MBD2: variants seen among roughly 807,000 people sequenced by gnomAD.
The protein encoded by MBD2 is methyl-CpG binding domain protein 2.
MBD2 carries 9 observed loss-of-function variants against 39.3 expected under a neutral mutation model. The observed-to-expected ratio is 0.23, with a 90% CI of 0.14 to 0.40. The LOEUF (loss-of-function observed/expected upper bound fraction) is 0.40. Among genes scored for constraint, MBD2 ranks in the 10% least tolerant of loss-of-function variants. The probability of loss-of-function intolerance (pLI) is 1.00; values close to 1 mark genes in which losing one functional copy is unlikely to be tolerated. For missense variants in MBD2, 458 were observed against 532.6 expected (o/e 0.86, Z 1.38); for synonymous variants, 233 against 211.1 (o/e 1.10, Z -0.90).
At chr18:54,205,441 A>C (rs1486330783) in intron 1 of MBD2, among the ~76,000 whole-genome samples, 1 of 152,000 alleles carries the variant, frequency 6.6e-6, no homozygotes, top group Non-Finnish European at 1.5e-5. Flanking sequence ...AATACAAAAA[A>C]TTAGCCGGGC....
intron 1 of MBD2, among the ~76,000 whole-genome samples, chr18:54,207,841 T>C (rs1284404904): frequency 6.6e-6 from 1 of 151,148 alleles, no homozygotes; most frequent in Admixed American, 6.6e-5. Flanking sequence ...ATCGAGACCA[T>C]CCTGGCTAAC....
intron 1 of MBD2, among the ~76,000 whole-genome samples, chr18:54,223,140 A>T (rs544816573): frequency 6.6e-6 from 1 of 152,236 alleles, no homozygotes; most frequent in Non-Finnish European, 1.5e-5. Context: ...TATTAAGTCC[A>T]CGGATGTCAA....
intron 6 of MBD2, among the ~76,000 whole-genome samples, chr18:54,159,517 G>A (rs898096808): frequency 5.9e-5 from 9 of 151,630 alleles, no homozygotes; most frequent in African/African-American, 9.7e-5. Flanking sequence ...TCCCAGGCTC[G>A]AGTGATCCTC....
chr18:54,165,572 C>T (rs1272776614), intron 4 of MBD2, among the ~76,000 whole-genome samples: 3 of 152,170 alleles, frequency 2.0e-5, no homozygotes, highest in Non-Finnish European at 4.4e-5. Context: ...CTGAGTTTTC[C>T]ACCCCAGATC....
At chr18:54,169,619 T>C (rs112889082) in intron 3 of MBD2, among the ~76,000 whole-genome samples, 5,878 of 152,196 alleles carry the variant, frequency 0.039, 142 homozygotes, top group Non-Finnish European at 0.046. Flanking sequence ...ATGTAAGGAC[T>C]CCCCCTCTAT....
At chr18:54,171,030 AT>A (rs879331620) in intron 3 of MBD2, among the ~76,000 whole-genome samples, 26 of 147,644 alleles carry the variant, frequency 1.8e-4, no homozygotes, top group Middle Eastern at 3.5e-3. Context: ...AGCTAGTTTT[AT>A]TTTTTTTTTT....
rs577423282 is a variant in MBD2 at position 54,202,608 on chromosome 18, A to G, written c.702+2390T>C. On this transcript the variant is annotated intron_variant, in intron 2 of 6. Transcript: ENST00000256429. Reference sequence around the variant, plus strand: ...ACCATTTAAATAAAATCAGATGCAAAAAAAGACCATGCCTCCAAAAATTAA... The same window carrying G: ...ACCATTTAAATAAAATCAGATGCAAGAAAAGACCATGCCTCCAAAAATTAA... 4 of 614,990 alleles carry G rather than the reference A, an allele frequency of 6.5e-6. No individual in the cohort carries two copies. In the East Asian group the frequency reaches 2.6e-4, roughly 41 times the overall value. The allele number at this position is 614,990 out of a possible 1,614,324, so 38.1% of individuals were successfully genotyped here.
intron 3 of MBD2, among the ~76,000 whole-genome samples, chr18:54,182,302 T>C (rs558217232): frequency 6.6e-6 from 1 of 152,194 alleles, no homozygotes; most frequent in African/African-American, 2.4e-5. Flanking sequence ...CTAAGGAATG[T>C]CTCTAAATCC....
rs2086037460 is a variant in MBD2 at position 54,154,047 on chromosome 18, T to G, written c.*1277A>C. ...ATGTGGAATTGGTCATACCCCTGAC[T>G]GCATCATTTAGGTTCTAATTTTAAA... is the stretch of plus-strand genomic sequence containing the variant. On this transcript the variant is annotated 3_prime_UTR_variant, in exon 7 of 7. Transcript: ENST00000256429. The G allele has an allele frequency of 6.6e-6, 1 of 152,214 alleles. No individual in the cohort carries two copies. The highest frequency in any genetic ancestry group is 1.5e-5 in the Non-Finnish European group (1 of 68,034). 9.4% of individuals were successfully genotyped at this position (152,214 alleles called of 1,614,324 possible).
chr18:54,189,446 T>A (rs2086305465), intron 2 of MBD2, among the ~76,000 whole-genome samples: 1 of 151,978 alleles, frequency 6.6e-6, no homozygotes, highest in Admixed American at 6.5e-5. Context: ...ATGGTCTCGA[T>A]CTCCTGACCT....
Position 54,224,358 on chromosome 18 carries a change from C to T in MBD2, c.202G>A (p.Gly68Ser). 1.7e-6 allele frequency: 2 copies of T among 1,170,674 alleles called. No homozygotes were observed. The highest frequency in any genetic ancestry group is 2.1e-6 in the Non-Finnish European group (2 of 948,552). The allele number at this position is 1,170,674 out of a possible 1,614,324, so 72.5% of individuals were successfully genotyped here. A position where few individuals can be genotyped will look rare whatever the true frequency, so the allele number is the denominator to read the frequency against. The change falls in exon 1 of 7, where the codon GGC becomes AGC. Residue 68 changes from glycine to serine, a missense_variant. Around this residue, in one of 2 missense-constraint regions of MBD2, gnomAD observed 269 missense variants for 236.0 expected, o/e 1.14. Coordinates refer to ENST00000256429, the MANE Select transcript of MBD2 (RefSeq NM_003927.5). ...CGGCCACAGACGCCGCCGCCCCGGC[C>T]CGCCTGCTTCCACCGCCCCCGGCCA... ...GRGRGRWKQA[G>S]RGGGVCGRGR...
chr18:54,187,445 C>G (rs2086293299), intron 3 of MBD2, among the ~76,000 whole-genome samples: 1 of 152,100 alleles, frequency 6.6e-6, no homozygotes, highest in South Asian at 2.1e-4. Context: ...ACAAGATGTT[C>G]AAGACTTTAG....
intron 1 of MBD2, among the ~76,000 whole-genome samples, chr18:54,219,652 G>T (rs2086593424): frequency 6.6e-6 from 1 of 152,186 alleles, no homozygotes; most frequent in Non-Finnish European, 1.5e-5. Context: ...CAGTTTTCTA[G>T]ATACTACATG....
At chr18:54,212,865 AC>A (rs1047506732) in intron 1 of MBD2, among the ~76,000 whole-genome samples, 2 of 40,298 alleles carry the variant, frequency 5.0e-5, no homozygotes, top group Non-Finnish European at 7.9e-5. Context: ...CTCAGTCTCT[AC>A]AAAAAAAACA....
chr18:54,155,382 C>T (rs1413375260), intron 6 of MBD2, 71 bp from the exon 7 acceptor site: 2 of 150,892 alleles, frequency 1.3e-5, no homozygotes, highest in Non-Finnish European at 2.9e-5. Context: ...GTCAGCAATA[C>T]TCAAAAAAGA....
intron 1 of MBD2, among the ~76,000 whole-genome samples, chr18:54,207,600 G>A (rs1231388403): frequency 6.6e-6 from 1 of 152,076 alleles, no homozygotes; most frequent in African/African-American, 2.4e-5. Context: ...TTATTTAAAA[G>A]TTATATGGCA....
chr18:54,174,524 C>T (rs1040075411), intron 3 of MBD2, among the ~76,000 whole-genome samples: 5 of 152,044 alleles, frequency 3.3e-5, no homozygotes, highest in African/African-American at 1.2e-4. Context: ...TGCCAGACAA[C>T]TAGGAGTGGT....
chr18:54,216,581 G>C (rs549135940), intron 1 of MBD2, among the ~76,000 whole-genome samples: 2 of 152,312 alleles, frequency 1.3e-5, no homozygotes, highest in South Asian at 4.1e-4. Context: ...AGAGTTAACA[G>C]AGTAATACTC....
chr18:54,175,317 T>C (rs2086204218), intron 3 of MBD2, among the ~76,000 whole-genome samples: 1 of 152,236 alleles, frequency 6.6e-6, no homozygotes, highest in African/African-American at 2.4e-5. Context: ...AACTTCAGAC[T>C]GACTAGAAAA....
Sources: gnomAD v4.1 joint callset for allele counts (sites outside exome capture counted in the v4.1 genomes callset) on GRCh38, gnomAD v4.1.1 for gene constraint, gnomAD v4.1.1 regional missense constraint, MANE v1.5 for transcripts, NCBI Gene and HGNC (gene_info 2026-07-23, HGNC 2026-07-21) for gene names.